Variants in GRIK4 observed in about 807,000 individuals in gnomAD.
GRIK4 encodes the protein glutamate ionotropic receptor kainate type subunit 4.
GRIK4 carries 40 observed loss-of-function variants against 104.9 expected under a neutral mutation model. The observed-to-expected ratio is 0.38, with a 90% CI of 0.30 to 0.50. GRIK4 has a LOEUF of 0.50. GRIK4 is among the 20% of genes least tolerant of loss of function. GRIK4 has a pLI of 0.93. For missense variants in GRIK4, 1,047 were observed against 1,308.1 expected, an observed-to-expected ratio of 0.80 and a Z score of 3.08; for synonymous variants, 485 against 524.9, an observed-to-expected ratio of 0.92 and a Z score of 1.04.
chr11:120,622,501 G>GT (rs1465271035), intron 1 of GRIK4, among the ~76,000 whole-genome samples: 1 of 152,210 alleles, frequency 6.6e-6, no homozygotes, highest in East Asian at 1.9e-4. Flanking sequence ...GCCTAACCCT[G>GT]ATTGTCCACA....
chr11:120,907,196 G>A (rs574724745), intron 13 of GRIK4, among the ~76,000 whole-genome samples: 5 of 152,172 alleles, frequency 3.3e-5, no homozygotes, highest in Admixed American at 6.5e-5. Context: ...ATAGAAAGCC[G>A]AAATGCCAGG....
At chr11:120,933,362 C>A (rs370099505) in intron 13 of GRIK4, among the ~76,000 whole-genome samples, 18 of 152,204 alleles carry the variant, frequency 1.2e-4, no homozygotes, top group African/African-American at 3.9e-4. Flanking sequence ...GCATCATTGT[C>A]ATCCCAACAG....
At chr11:120,779,434 G>T (rs1404480946) in intron 3 of GRIK4, among the ~76,000 whole-genome samples, 1 of 152,272 alleles carries the variant, frequency 6.6e-6, no homozygotes, top group Middle Eastern at 3.4e-3. Flanking sequence ...GGAAGAAGAA[G>T]GTGAATTGGG....
Position 120,754,867 on chromosome 11 carries a change from T to C in GRIK4, c.83-47826T>C, listed in dbSNP as rs142235212. ...GTTCAGATTTTTTGCCCCTTTTTAA[T>C]TGGGTTATTTGTCTTTTTATTAAGT... On this transcript the variant is annotated intron_variant, in intron 3 of 20. Transcript: ENST00000527524. Among the ~76,000 whole-genome samples the C allele has an allele frequency of 3.1e-3, 475 of 152,348 alleles. 5 individuals are homozygous for C. Among genetic ancestry groups the C allele is most frequent in the African/African-American group, 0.011 (455 of 41,580 alleles).
chr11:120,626,082 G>A (rs1295133390), intron 1 of GRIK4, among the ~76,000 whole-genome samples: 1 of 152,206 alleles, frequency 6.6e-6, no homozygotes, highest in African/African-American at 2.4e-5. Flanking sequence ...AATTATTTCA[G>A]ATTCAAAGTG....
chr11:120,679,705 C>T (rs1460270342), intron 3 of GRIK4, among the ~76,000 whole-genome samples: 2 of 152,216 alleles, frequency 1.3e-5, no homozygotes, highest in Non-Finnish European at 2.9e-5. Flanking sequence ...CCCTGCCCAC[C>T]TCAGACATGC....
intron 1 of GRIK4, among the ~76,000 whole-genome samples, chr11:120,528,078 C>T (rs61900894): frequency 2.6e-5 from 4 of 152,320 alleles, no homozygotes; most frequent in African/African-American, 4.8e-5. Flanking sequence ...GTCCTCCCAC[C>T]TCAGCCTTTT....
chr11:120,911,596 C>A lies in GRIK4; in HGVS notation c.1476+6103C>A, dbSNP rs1370961063. 2.0e-5 allele frequency among the ~76,000 whole-genome samples: 3 copies of A among 146,584 alleles called. No individual in the cohort carries two copies. The East Asian group carries it at 6.6e-4, about 32-fold the overall frequency. On this transcript the variant is annotated intron_variant, in intron 13 of 20. Transcript: ENST00000527524. ...GTGGCTCACGCCTGTAATCCCAGCACTTTGGGAGGCCGAGGCGGGTGGATC... is the reference window on the plus strand; with the variant it reads ...GTGGCTCACGCCTGTAATCCCAGCAATTTGGGAGGCCGAGGCGGGTGGATC...
chr11:120,602,084 G>C (rs1211950356), intron 1 of GRIK4, among the ~76,000 whole-genome samples: 1 of 151,998 alleles, frequency 6.6e-6, no homozygotes, highest in Non-Finnish European at 1.5e-5. Context: ...GGTACCCCGG[G>C]GCTGCCTTCC....
intron 14 of GRIK4, among the ~76,000 whole-genome samples, chr11:120,944,871 T>A (rs548420918): frequency 6.6e-6 from 1 of 152,180 alleles, no homozygotes; most frequent in East Asian, 1.9e-4. Flanking sequence ...CAAAATTAAA[T>A]GAGAATACAT....
chr11:120,958,010 G>C (rs1421776768), intron 16 of GRIK4, among the ~76,000 whole-genome samples: 1 of 152,238 alleles, frequency 6.6e-6, no homozygotes, highest in East Asian at 1.9e-4. Context: ...TGGAGAACAG[G>C]AGCTCAGGTC....
chr11:120,866,510 C>T (rs978458784), intron 9 of GRIK4, among the ~76,000 whole-genome samples: 4 of 152,286 alleles, frequency 2.6e-5, no homozygotes, highest in East Asian at 1.9e-4. Context: ...ACCCTGACCT[C>T]GTTTGTCTCC....
chr11:120,585,384 CTG>C (rs1165105263), intron 1 of GRIK4, among the ~76,000 whole-genome samples: 2 of 149,428 alleles, frequency 1.3e-5, no homozygotes, highest in African/African-American at 4.9e-5. Context: ...GAGTCTCACT[CTG>C]TAGCCCAGGC....
intron 1 of GRIK4, among the ~76,000 whole-genome samples, chr11:120,538,837 G>A (rs1948004301): frequency 6.6e-6 from 1 of 152,230 alleles, no homozygotes. Flanking sequence ...TGGGGGCTCA[G>A]GGCTCTAACT....
intron 3 of GRIK4, among the ~76,000 whole-genome samples, chr11:120,683,702 A>G (rs1950232602): frequency 6.6e-6 from 1 of 152,226 alleles, no homozygotes; most frequent in East Asian, 1.9e-4. Flanking sequence ...TGCATAATGA[A>G]CTGCAGGACT....
rs113940515 is a variant in GRIK4, at chr11:120,549,628, C to T, written c.-159+37741C>T. ...GGCTAGGGCGTGTGCAACAGTAAAACGCTGCTCAGCTCACAGCAGGGGCCT... is the reference window on the plus strand; with the variant it reads ...GGCTAGGGCGTGTGCAACAGTAAAATGCTGCTCAGCTCACAGCAGGGGCCT... On this transcript the variant is annotated intron_variant, in intron 1 of 20. Coordinates refer to ENST00000527524, the MANE Select transcript of GRIK4 (RefSeq NM_014619.5). The surrounding 1 kb of genome is among the most constrained non-coding windows in gnomAD (Gnocchi z 4.7). 0.016 allele frequency among the ~76,000 whole-genome samples: 2,492 copies of T among 152,294 alleles called. 71 individuals are homozygous for T. The highest frequency in any genetic ancestry group is 0.057 in the African/African-American group (2,364 of 41,542).
intron 1 of GRIK4, among the ~76,000 whole-genome samples, chr11:120,614,787 C>T (rs1021101418): frequency 6.6e-6 from 1 of 152,154 alleles, no homozygotes; most frequent in Non-Finnish European, 1.5e-5. Flanking sequence ...ATCATGAGGT[C>T]AGGAGATCGA....
In GRIK4 at chr11:120,902,931, C is replaced by T. The variant is rs115944782; in HGVS notation, c.1273-2359C>T. Among the ~76,000 whole-genome samples, 19 of 152,266 alleles carry T rather than the reference C, an allele frequency of 1.2e-4. No individual in the cohort carries two copies. The highest frequency in any genetic ancestry group is 4.6e-4 in the African/African-American group (19 of 41,532). ...GTGGACTCATCCAGAATCAGAATCA[C>T]GTCACCTTCCACTCAGAGCTCCCGC... is the stretch of plus-strand genomic sequence containing the variant. On this transcript the variant is annotated intron_variant, in intron 12 of 20. Transcript: ENST00000527524. The surrounding 1 kb of genome is among the most constrained non-coding windows in gnomAD (Gnocchi z 4.5).
Position 120,967,101 on chromosome 11 carries a change from A to C in GRIK4, c.2267-94A>C. ...GTCCCCTCTCGAGGTGAAAGCAGGC[A>C]GGGTGGCCAGGAGGTGTGCCGGGAA... On this transcript the variant is annotated intron_variant, in intron 18 of 20. Transcript: ENST00000527524. This position sits in a 1 kb window ranked among gnomAD's most constrained non-coding sequence, Gnocchi z 4.2. 3 of 1,391,802 alleles carry C rather than the reference A, an allele frequency of 2.2e-6. No homozygotes were observed. Among genetic ancestry groups the C allele is most frequent in the Non-Finnish European group, 3.0e-6 (3 of 1,013,200 alleles). The allele number at this position is 1,391,802 out of a possible 1,614,324, so 86.2% of individuals were successfully genotyped here. A position where few individuals can be genotyped will look rare whatever the true frequency, so the allele number is the denominator to read the frequency against.
Sources: gnomAD v4.1 joint callset for allele counts (sites outside exome capture counted in the v4.1 genomes callset) on GRCh38, gnomAD v4.1.1 for gene constraint, Gnocchi (gnomAD v3.1) non-coding constraint, MANE v1.5 for transcripts, NCBI Gene and HGNC (gene_info 2026-07-23, HGNC 2026-07-21) for gene names.